The following AUTS2 variants were observed in gnomAD, a reference collection of about 807,000 sequenced individuals.
AUTS2 encodes activator of transcription and developmental regulator AUTS2.
In AUTS2, 17 loss-of-function variants were observed where a neutral mutation model predicts 112.4. The ratio of observed to expected loss-of-function variants is 0.15; its 90% confidence interval spans 0.10 to 0.23. The LOEUF (loss-of-function observed/expected upper bound fraction) is 0.23, where lower values mean the gene tolerates loss of function less well. Ranked by LOEUF, AUTS2 falls within the 10% of genes least tolerant of loss-of-function variation. AUTS2 has a pLI of 1.00. For synonymous variants in AUTS2, 751 were observed against 702.7 expected (o/e 1.07, Z -1.09); for missense variants, 1,510 against 1,701.6 (o/e 0.89, Z 1.98).
chr7:70,044,984 A>G (rs1477089404), intron 2 of AUTS2, among the ~76,000 whole-genome samples: 1 of 151,246 alleles, frequency 6.6e-6, no homozygotes, highest in South Asian at 2.1e-4. Flanking sequence ...GTTTGGCCCT[A>G]CAGAGAAATT....
intron 4 of AUTS2, among the ~76,000 whole-genome samples, chr7:70,172,633 A>C (rs1208050137): frequency 6.6e-6 from 1 of 152,084 alleles, no homozygotes; most frequent in Non-Finnish European, 1.5e-5. Context: ...ATGTATATCT[A>C]ATGCCTTCTT....
intron 5 of AUTS2, among the ~76,000 whole-genome samples, chr7:70,503,572 G>T (rs1798850254): frequency 6.8e-6 from 1 of 145,996 alleles, no homozygotes; most frequent in African/African-American, 2.5e-5. Context: ...AGGCTGGAGT[G>T]CAGTGGCTTG....
intron 4 of AUTS2, among the ~76,000 whole-genome samples, chr7:70,402,070 C>T (rs1585103620): frequency 6.6e-6 from 1 of 152,202 alleles, no homozygotes; most frequent in Non-Finnish European, 1.5e-5. Flanking sequence ...GGTCCTTGCT[C>T]CCCGCAAAGT....
intron 1 of AUTS2, among the ~76,000 whole-genome samples, chr7:69,649,869 A>G (rs1281360459): frequency 6.6e-6 from 1 of 152,174 alleles, no homozygotes; most frequent in Non-Finnish European, 1.5e-5. Flanking sequence ...GATCACTGGG[A>G]AGAAATTAGC....
At chr7:69,875,124 C>T (rs1793674582) in intron 1 of AUTS2, among the ~76,000 whole-genome samples, 1 of 152,032 alleles carries the variant, frequency 6.6e-6, no homozygotes, top group African/African-American at 2.4e-5. Context: ...CCCCCAACCC[C>T]ATTCTTCCTG....
At chr7:70,670,362 G>A (rs988170605) in intron 5 of AUTS2, among the ~76,000 whole-genome samples, 9 of 152,222 alleles carry the variant, frequency 5.9e-5, no homozygotes, top group East Asian at 5.8e-4. Flanking sequence ...TATTAGCCCC[G>A]ATCCTCATAT....
intron 2 of AUTS2, among the ~76,000 whole-genome samples, chr7:70,036,236 C>A (rs892948469): frequency 4.6e-5 from 7 of 152,144 alleles, no homozygotes; most frequent in African/African-American, 1.7e-4. Flanking sequence ...AAGAGTGAGA[C>A]TGGAAATGCA....
rs367959864 is a variant in AUTS2, at chr7:70,714,590, A to G, written c.742+15970A>G. On this transcript the variant is annotated intron_variant, in intron 6 of 18. Coordinates refer to ENST00000342771, the MANE Select transcript of AUTS2 (RefSeq NM_015570.4). ...GGATACAAACAGACACACATACTGC[A>G]TGTCTTAAATCTAGAGTGCTCCACC... is the stretch of plus-strand genomic sequence containing the variant. Among the ~76,000 whole-genome samples, 59 of 152,334 alleles carry G rather than the reference A, an allele frequency of 3.9e-4. 3 individuals are homozygous for G. The South Asian group carries it at 9.1e-3, about 24-fold the overall frequency.
chr7:69,604,853 G>A (rs1431662979), intron 1 of AUTS2, among the ~76,000 whole-genome samples: 12 of 152,310 alleles, frequency 7.9e-5, no homozygotes, highest in African/African-American at 2.9e-4. Context: ...TTAGTGGAGA[G>A]GTTTAAACTA....
chr7:70,118,031 A>C, intron 2 of AUTS2, 101 bp from the exon 3 acceptor site: 12 of 1,368,400 alleles, frequency 8.8e-6, no homozygotes, highest in Non-Finnish European at 1.0e-5. Flanking sequence ...TACAGGCGTG[A>C]GCCACCGTGC....
chr7:70,738,183 G>A (rs1167961308), intron 6 of AUTS2, among the ~76,000 whole-genome samples: 1 of 152,134 alleles, frequency 6.6e-6, no homozygotes, highest in Non-Finnish European at 1.5e-5. Context: ...AGTCAGTCAA[G>A]TTGTAAACAT....
intron 5 of AUTS2, among the ~76,000 whole-genome samples, chr7:70,603,372 G>T (rs780550204): frequency 6.6e-6 from 1 of 152,200 alleles, no homozygotes; most frequent in Non-Finnish European, 1.5e-5. Flanking sequence ...TTGATGTCCT[G>T]ATGGATTAAG....
intron 5 of AUTS2, among the ~76,000 whole-genome samples, chr7:70,623,294 A>G (rs1804772088): frequency 6.6e-6 from 1 of 152,208 alleles, no homozygotes; most frequent in South Asian, 2.1e-4. Flanking sequence ...ACCTCTCCTG[A>G]GAGGCCTTCA....
intron 4 of AUTS2, among the ~76,000 whole-genome samples, chr7:70,404,234 A>G (rs886995152): frequency 1.3e-5 from 2 of 152,040 alleles, no homozygotes; most frequent in African/African-American, 4.8e-5. Flanking sequence ...TCTATCTGGG[A>G]CTTTGTCTTC....
chr7:70,658,625 A>G (rs1208536857), intron 5 of AUTS2, among the ~76,000 whole-genome samples: 1 of 152,212 alleles, frequency 6.6e-6, no homozygotes, highest in East Asian at 1.9e-4. Context: ...GATTCTTAAG[A>G]ACTGCCGGGG....
intron 1 of AUTS2, among the ~76,000 whole-genome samples, chr7:69,742,634 T>C (rs1007434929): frequency 3.3e-5 from 5 of 152,222 alleles, no homozygotes; most frequent in African/African-American, 1.2e-4. Flanking sequence ...ATAGATTTGA[T>C]TGAACTGTGA....
intron 5 of AUTS2, among the ~76,000 whole-genome samples, chr7:70,482,344 A>T (rs900540218): frequency 2.0e-5 from 3 of 151,928 alleles, no homozygotes; most frequent in African/African-American, 7.3e-5. Flanking sequence ...AGCCCCCATC[A>T]CACTTTGAAA....
At chr7:70,403,381 G>A (rs1398471884) in intron 4 of AUTS2, among the ~76,000 whole-genome samples, 1 of 152,216 alleles carries the variant, frequency 6.6e-6, no homozygotes, top group Non-Finnish European at 1.5e-5. Context: ...CACACCTTGG[G>A]CCTGACTGCC....
chr7:70,713,241 C>T (rs543970031), intron 6 of AUTS2, among the ~76,000 whole-genome samples: 13 of 152,322 alleles, frequency 8.5e-5, no homozygotes, highest in Admixed American at 2.0e-4. Flanking sequence ...TATCACAGCA[C>T]ACAACACACA....
Sources: allele counts gnomAD v4.1 joint callset (sites outside exome capture counted in the v4.1 genomes callset), GRCh38; gene constraint gnomAD v4.1.1; transcripts MANE v1.5; gene names NCBI Gene and HGNC (gene_info 2026-07-23, HGNC 2026-07-21).